TOX2: variants seen among roughly 807,000 people sequenced by gnomAD.
TOX2 encodes TOX high mobility group box family member 2, also known as granulosa cell HMG box 1.
In TOX2, 15 loss-of-function variants were observed where a neutral mutation model predicts 47.4. The ratio of observed to expected loss-of-function variants is 0.32; its 90% CI spans 0.21 to 0.49. The LOEUF (loss-of-function observed/expected upper bound fraction) is 0.49. Among genes scored for constraint, TOX2 ranks in the 20% least tolerant of loss-of-function variants. TOX2 has a pLI of 0.99. For synonymous variants in TOX2, 290 were observed against 296.6 expected, an observed-to-expected ratio of 0.98 and a Z score of 0.23; for missense variants, 622 against 673.1, an observed-to-expected ratio of 0.92 and a Z score of 0.84.
rs368195262 is a variant in TOX2, at chr20:44,066,767, G to A, written c.1394G>A (p.Gly465Glu). Residue 465 changes from glycine (G) to glutamate (E), a missense_variant, in exon 8 of 9, where the codon GGA becomes GAA. Gly to Glu is a moderately conservative substitution (Grantham distance 98). Around this residue, in one of 3 missense-constraint regions of TOX2, gnomAD observed 294 missense variants for 300.0 expected, o/e 0.98. Coordinates refer to ENST00000341197, the MANE Select transcript of TOX2 (RefSeq NM_001098797.2). ...ATCTCTGAGTTCCCCAGCAGCTCGG[G>A]ATCCTGCTCACCTGGCCCATCCAAC... ...PHISEFPSSSGSCSPGPSNPT... is the reference protein window; with the variant it reads ...PHISEFPSSSESCSPGPSNPT... 11 of 1,614,176 alleles carry A rather than the reference G, an allele frequency of 6.8e-6. No homozygotes were observed. The highest frequency in any genetic ancestry group is 9.3e-6 in the Non-Finnish European group (11 of 1,180,024).
At chr20:44,022,593 T>G (rs950673473) in intron 3 of TOX2, among the ~76,000 whole-genome samples, 3 of 152,166 alleles carry the variant, frequency 2.0e-5, no homozygotes, top group Admixed American at 1.3e-4. Flanking sequence ...CACAAACAGT[T>G]TACTCATTTT....
At chr20:44,039,090 T>TGCTGGGAGGCAGGTGTCTCTGCACTTGA in intron 3 of TOX2, 3 of 1,269,688 alleles carry the variant, frequency 2.4e-6, no homozygotes, top group Non-Finnish European at 2.1e-6. Flanking sequence ...CTCTGCCTGG[T>TGCTGGGAGGCAGGTGTCTCTGCACTTGA]GCTGGGAGGC....
intron 2 of TOX2, among the ~76,000 whole-genome samples, chr20:43,975,346 TC>T (rs978933648): frequency 3.3e-5 from 5 of 151,972 alleles, no homozygotes; most frequent in Non-Finnish European, 5.9e-5. Flanking sequence ...CCTCAACAAT[TC>T]CCCCAACACT....
intron 3 of TOX2, among the ~76,000 whole-genome samples, chr20:44,013,684 C>T (rs1282437783): frequency 1.3e-5 from 2 of 152,202 alleles, no homozygotes; most frequent in Non-Finnish European, 2.9e-5. Flanking sequence ...TTGTTTTGAT[C>T]TGGACTGATT....
At chr20:43,935,044 C>T (rs2069307085) in intron 1 of TOX2, among the ~76,000 whole-genome samples, 1 of 152,154 alleles carries the variant, frequency 6.6e-6, no homozygotes, top group Non-Finnish European at 1.5e-5. Context: ...GGTGAGCCTT[C>T]CTTCTCTACC....
intron 3 of TOX2, among the ~76,000 whole-genome samples, chr20:44,025,247 C>T (rs1403644656): frequency 1.3e-5 from 2 of 151,964 alleles, no homozygotes; most frequent in Non-Finnish European, 2.9e-5. Context: ...TTGGATGCGT[C>T]GAGCCTCTGC....
At chr20:43,999,957 G>A (rs6073277) in intron 2 of TOX2, among the ~76,000 whole-genome samples, 106,527 of 152,182 alleles carry the variant, frequency 0.7, 37,762 homozygotes, top group African/African-American at 0.8. Flanking sequence ...AGACCATTCA[G>A]TGGGGAAAGA....
chr20:43,975,218 G>T (rs1030436348), intron 2 of TOX2, among the ~76,000 whole-genome samples: 2 of 152,040 alleles, frequency 1.3e-5, no homozygotes, highest in Non-Finnish European at 2.9e-5. Flanking sequence ...AGAAGGAAAA[G>T]TGGGACTCAG....
chr20:43,938,661 G>A (rs1057000203), intron 1 of TOX2, among the ~76,000 whole-genome samples: 1 of 152,148 alleles, frequency 6.6e-6, no homozygotes, highest in African/African-American at 2.4e-5. Flanking sequence ...TCTTTACCCG[G>A]GATTCACAGC....
At chr20:43,942,676 A>G (rs1454215801) in intron 1 of TOX2, among the ~76,000 whole-genome samples, 1 of 152,084 alleles carries the variant, frequency 6.6e-6, no homozygotes, top group African/African-American at 2.4e-5. Context: ...ATAGAGGGAG[A>G]CCCTGTCTCA....
chr20:43,964,495 G>C (rs1318316878), intron 1 of TOX2, among the ~76,000 whole-genome samples: 1 of 152,218 alleles, frequency 6.6e-6, no homozygotes, highest in African/African-American at 2.4e-5. Flanking sequence ...AGTGTGTGCT[G>C]CTTTGATTGT....
chr20:44,055,311 G>C (rs911872546), intron 5 of TOX2, among the ~76,000 whole-genome samples: 2 of 152,248 alleles, frequency 1.3e-5, no homozygotes, highest in African/African-American at 2.4e-5. Flanking sequence ...CGTGTACCAG[G>C]AGGGTACATA....
rs778291166 is a variant in TOX2 at position 44,066,824 on chromosome 20, A to C, written c.1451A>C (p.Tyr484Ser). ...PTSSGDWDSS[Y>S]PSGECGISTC... ...AGCAGCGGGGACTGGGACAGCAGCT[A>C]CCCCAGTGGGGAGTGTGGCATCAGC... The change falls in exon 8 of 9, where the codon TAC becomes TCC. Residue 484 changes from tyrosine (Y) to serine (S), a missense_variant. Transcript: ENST00000341197. 1.2e-6 allele frequency: 2 copies of C among 1,613,886 alleles called. No homozygotes were observed. The highest frequency in any genetic ancestry group is 4.5e-5 in the East Asian group (2 of 44,876).
At chr20:44,054,656 C>T (rs890548469) in intron 5 of TOX2, 130 bp downstream of exon 5, 3 of 994,526 alleles carry the variant, frequency 3.0e-6, no homozygotes, top group Admixed American at 4.8e-5. Context: ...TTCCTGGGCT[C>T]AGGTTGCCCA....
intron 3 of TOX2, among the ~76,000 whole-genome samples, chr20:44,018,751 G>C (rs6031297): frequency 0.75 from 114,442 of 152,098 alleles, 43,743 homozygotes; most frequent in African/African-American, 0.89. Context: ...AGTGTCGGGG[G>C]ACTATGGAAG....
At chr20:43,945,844 ACCAAGAGTT>A in intron 1 of TOX2, 1 of 1,594,116 alleles carries the variant, frequency 6.3e-7, no homozygotes, top group Non-Finnish European at 8.5e-7. Flanking sequence ...CCAATAGAGG[ACCAAGAGTT>A]GTCAGGAGGG....
At chr20:43,935,481 A>G (rs1012453265) in intron 1 of TOX2, among the ~76,000 whole-genome samples, 1 of 152,188 alleles carries the variant, frequency 6.6e-6, no homozygotes, top group African/African-American at 2.4e-5. Flanking sequence ...AATACCTACT[A>G]TGTGCCAAGC....
At chr20:43,925,353 T>C (rs764673) in intron 1 of TOX2, among the ~76,000 whole-genome samples, 64,455 of 151,862 alleles carry the variant, frequency 0.42, 14,603 homozygotes, top group South Asian at 0.64. Context: ...GTAGAAACGC[T>C]CTGTGTGTGG....
At chr20:44,051,786 A>G (rs1016878012) in intron 4 of TOX2, among the ~76,000 whole-genome samples, 1 of 152,202 alleles carries the variant, frequency 6.6e-6, no homozygotes, top group Non-Finnish European at 1.5e-5. Flanking sequence ...GAAAAAGCAC[A>G]TTGGCAGGTG....
Sources: gnomAD v4.1 joint callset for allele counts (sites outside exome capture counted in the v4.1 genomes callset) on GRCh38, gnomAD v4.1.1 for gene constraint, gnomAD v4.1.1 regional missense constraint, MANE v1.5 for transcripts, NCBI Gene and HGNC (gene_info 2026-07-23, HGNC 2026-07-21) for gene names.